The following TMTC1 variants were observed in gnomAD, a reference collection of about 807,000 sequenced individuals.
TMTC1 encodes the protein transmembrane O-mannosyltransferase targeting cadherins 1.
In TMTC1, 73 loss-of-function variants were observed where a neutral mutation model predicts 104.8. That is an observed-to-expected ratio of 0.70 (90% CI 0.58 to 0.85). TMTC1 has a LOEUF of 0.85. TMTC1 is among the 40% of genes least tolerant of loss of function. The probability of loss-of-function intolerance (pLI) is 0.00; values close to 1 mark genes in which losing one functional copy is unlikely to be tolerated. For synonymous variants in TMTC1, 434 were observed against 428.7 expected (o/e 1.01, Z -0.15); for missense variants, 1,035 against 1,096.1 (o/e 0.94, Z 0.79).
intron 5 of TMTC1, among the ~76,000 whole-genome samples, chr12:29,725,549 A>G (rs977349182): frequency 3.3e-5 from 5 of 152,190 alleles, no homozygotes; most frequent in African/African-American, 1.2e-4. Flanking sequence ...GCAGATCATC[A>G]TGTAATAAAG....
intron 5 of TMTC1, among the ~76,000 whole-genome samples, chr12:29,676,319 T>G (rs781407802): frequency 1.2e-4 from 18 of 152,220 alleles, no homozygotes; most frequent in Non-Finnish European, 2.6e-4. Context: ...TATGCAAGCT[T>G]TATTGACTAT....
chr12:29,717,005 G>C (rs1320039014), intron 5 of TMTC1, among the ~76,000 whole-genome samples: 1 of 152,076 alleles, frequency 6.6e-6, no homozygotes. Flanking sequence ...CTGGGCAACA[G>C]AGCAAGACTC....
chr12:29,511,960 T>A, intron 17 of TMTC1, 83 bp downstream of exon 17: 1 of 1,283,736 alleles, frequency 7.8e-7, no homozygotes, highest in East Asian at 2.3e-5. Context: ...TAACAATAGT[T>A]CCTCAATCCT....
In TMTC1 at chr12:29,538,013, T is replaced by C. The variant is rs34265395; in HGVS notation, c.1677-1696A>G. 9.6e-3 allele frequency among the ~76,000 whole-genome samples: 1,459 copies of C among 152,334 alleles called. 17 individuals are homozygous for C. The highest frequency in any genetic ancestry group is 0.038 in the South Asian group (183 of 4,828). The stretch of plus-strand genomic sequence containing the variant: ...CTGTTTCTCAGGAGAGGTGGTGGTC[T>C]GCACTATCCTCTTCTTATTAGGGTC... On this transcript the variant is annotated intron_variant, in intron 10 of 17. Transcript: ENST00000539277.
At chr12:29,576,108 T>C (rs1052337584) in intron 8 of TMTC1, among the ~76,000 whole-genome samples, 1 of 152,220 alleles carries the variant, frequency 6.6e-6, no homozygotes, top group Non-Finnish European at 1.5e-5. Context: ...GGGTCTGTTT[T>C]GCAATTTAGT....
At chr12:29,634,866 C>T (rs1375290799) in intron 5 of TMTC1, among the ~76,000 whole-genome samples, 1 of 152,102 alleles carries the variant, frequency 6.6e-6, no homozygotes, top group Non-Finnish European at 1.5e-5. Context: ...GTCAGTTCAC[C>T]CTGAATTCCT....
rs115639232 is a variant in TMTC1, at chr12:29,701,828, A to G, written c.938+49838T>C. Among the ~76,000 whole-genome samples the G allele has an allele frequency of 7.4e-3, 1,120 of 152,326 alleles. 14 individuals carry two copies. Among genetic ancestry groups the G allele is most frequent in the African/African-American group, 0.026 (1,071 of 41,564 alleles). Reference sequence around the variant, plus strand: ...CTACCCAATTAAATTCATCATGTCAATAATTTCAGGACAAGAAAAGGCCTA... The same window carrying G: ...CTACCCAATTAAATTCATCATGTCAGTAATTTCAGGACAAGAAAAGGCCTA... On this transcript the variant is annotated intron_variant, in intron 5 of 17. Coordinates refer to ENST00000539277, the MANE Select transcript of TMTC1 (RefSeq NM_001193451.2).
chr12:29,756,138 T>C (rs993967273), intron 3 of TMTC1, among the ~76,000 whole-genome samples: 7 of 152,180 alleles, frequency 4.6e-5, no homozygotes, highest in Admixed American at 3.9e-4. Flanking sequence ...CAGAGAGACA[T>C]ACTTAGTCAT....
chr12:29,596,780 A>T (rs1272950075), intron 7 of TMTC1, among the ~76,000 whole-genome samples: 1 of 152,236 alleles, frequency 6.6e-6, no homozygotes, highest in African/African-American at 2.4e-5. Context: ...AAGCCATAAA[A>T]CAAAAAGACT....
At chr12:29,753,845 A>G (rs1943149966) in intron 4 of TMTC1, among the ~76,000 whole-genome samples, 2 of 152,294 alleles carry the variant, frequency 1.3e-5, no homozygotes, top group Admixed American at 1.3e-4. Flanking sequence ...AAGCAGCACT[A>G]CCGGATATGA....
chr12:29,549,579 A>G (rs1268799796), intron 10 of TMTC1, among the ~76,000 whole-genome samples: 3 of 152,202 alleles, frequency 2.0e-5, no homozygotes, highest in Admixed American at 1.3e-4. Flanking sequence ...TATAAACACT[A>G]GCCTCATGAA....
At chr12:29,656,168 A>T (rs1472208651) in intron 5 of TMTC1, among the ~76,000 whole-genome samples, 12 of 152,234 alleles carry the variant, frequency 7.9e-5, no homozygotes, top group Non-Finnish European at 2.9e-5. Context: ...AGCCTACGAC[A>T]GGACAAAGAA....
chr12:29,605,889 T>A (rs1168959294), intron 6 of TMTC1, among the ~76,000 whole-genome samples: 1 of 152,114 alleles, frequency 6.6e-6, no homozygotes, highest in Non-Finnish European at 1.5e-5. Flanking sequence ...GAGTCTCCAA[T>A]GTCTATTGTT....
chr12:29,508,118 T>A (rs1943740724), intron 17 of TMTC1, among the ~76,000 whole-genome samples: 1 of 152,212 alleles, frequency 6.6e-6, no homozygotes, highest in Admixed American at 6.5e-5. Flanking sequence ...ATCAATAGTG[T>A]CTATTTCTTA....
At chr12:29,585,660 G>T (rs927147412) in intron 7 of TMTC1, among the ~76,000 whole-genome samples, 6 of 150,400 alleles carry the variant, frequency 4.0e-5, no homozygotes, top group African/African-American at 1.5e-4. Context: ...TTCTACATAT[G>T]GCTAGCCAGT....
At chr12:29,778,204 T>C (rs1943755901) in intron 1 of TMTC1, among the ~76,000 whole-genome samples, 1 of 152,226 alleles carries the variant, frequency 6.6e-6, no homozygotes, top group South Asian at 2.1e-4. Context: ...TCTAATAGGC[T>C]AAACACACAG....
chr12:29,571,620 C>T (rs1276074203), intron 9 of TMTC1, among the ~76,000 whole-genome samples: 1 of 150,778 alleles, frequency 6.6e-6, no homozygotes, highest in East Asian at 1.9e-4. Flanking sequence ...TTAACGTATC[C>T]CCAACATGGT....
chr12:29,647,537 A>G (rs1939324423), intron 5 of TMTC1, among the ~76,000 whole-genome samples: 1 of 152,078 alleles, frequency 6.6e-6, no homozygotes, highest in South Asian at 2.1e-4. Context: ...GGCTGTAACA[A>G]TGAAGATCTA....
intron 5 of TMTC1, among the ~76,000 whole-genome samples, chr12:29,684,694 A>C (rs946738021): frequency 1.3e-5 from 2 of 152,206 alleles, no homozygotes; most frequent in Non-Finnish European, 2.9e-5. Context: ...CTGGATGTAA[A>C]TATTGACTGT....
Sources: allele counts gnomAD v4.1 joint callset (sites outside exome capture counted in the v4.1 genomes callset), GRCh38; gene constraint gnomAD v4.1.1; transcripts MANE v1.5; gene names NCBI Gene and HGNC (gene_info 2026-07-23, HGNC 2026-07-21).